Variants in UBXN2A observed in about 807,000 individuals in gnomAD.
UBXN2A encodes the protein UBX domain protein 2A, also known as UBX domain-containing protein 2A.
In UBXN2A, 28 loss-of-function variants were observed where a neutral mutation model predicts 28.4. That is an observed-to-expected ratio of 0.99 (90% CI 0.73 to 1.35). UBXN2A has a LOEUF of 1.35. Ranked by LOEUF, UBXN2A falls within the 40% of genes most tolerant of loss-of-function variation. UBXN2A has a pLI of 0.00. For missense variants in UBXN2A, 253 were observed against 297.9 expected, an observed-to-expected ratio of 0.85 and a Z score of 1.11; for synonymous variants, 97 against 103.6, an observed-to-expected ratio of 0.94 and a Z score of 0.39.
At chr2:23,974,725 C>T (rs1707582913) in intron 3 of UBXN2A, among the ~76,000 whole-genome samples, 1 of 152,138 alleles carries the variant, frequency 6.6e-6, no homozygotes, top group Non-Finnish European at 1.5e-5. Flanking sequence ...CGCCTGTAAT[C>T]TCATAGCTTT....
At chr2:23,989,911 T>C (rs113642780) in intron 6 of UBXN2A, among the ~76,000 whole-genome samples, 4 of 152,040 alleles carry the variant, frequency 2.6e-5, no homozygotes, top group African/African-American at 9.7e-5. Context: ...TCTCAAAAAA[T>C]ATCTATATAA....
Position 23,944,370 on chromosome 2 carries a change from A to T in UBXN2A, c.-15+3722A>T, listed in dbSNP as rs769135999. 2.4e-4 allele frequency: 344 copies of T among 1,446,418 alleles called. 1 individual carries two copies. The highest frequency in any genetic ancestry group is 5.9e-5 in the Non-Finnish European group (61 of 1,032,154). 89.6% of individuals were successfully genotyped at this position (1,446,418 alleles called of 1,614,324 possible). A position where few individuals can be genotyped will look rare whatever the true frequency, so the allele number is the denominator to read the frequency against. ...TGTGTGAAGAACTGAGGTGACCAGCATCATCTTCCTACACATTATTGTATT... is the reference window on the plus strand; with the variant it reads ...TGTGTGAAGAACTGAGGTGACCAGCTTCATCTTCCTACACATTATTGTATT... On this transcript the variant is annotated intron_variant, in intron 1 of 6. Transcript: ENST00000309033.
Position 23,971,255 on chromosome 2 carries a change from GTTTTTC to G in UBXN2A, c.42-17_42-12del. ...AGAGACCTAATAGTTAATAGTGCCT[GTTTTTC>G]TTTATCTTGTTTAGGGTTTGTGAAA... On this transcript the variant is annotated splice_polypyrimidine_tract_variant and intron_variant, in intron 2 of 6. Coordinates refer to ENST00000309033, the MANE Select transcript of UBXN2A (RefSeq NM_181713.4). 6.6e-7 allele frequency: 1 copy of G among 1,524,174 alleles called. No homozygotes were observed. The highest frequency in any genetic ancestry group is 8.9e-7 in the Non-Finnish European group (1 of 1,126,278). The allele number at this position is 1,524,174 out of a possible 1,614,324, so 94.4% of individuals were successfully genotyped here. A position where few individuals can be genotyped will look rare whatever the true frequency, so the allele number is the denominator to read the frequency against.
chr2:23,958,459 T>G, intron 2 of UBXN2A, 104 bp downstream of exon 2: 1 of 1,077,308 alleles, frequency 9.3e-7, no homozygotes, highest in Non-Finnish European at 1.3e-6. Context: ...GTTTTAATTA[T>G]GTATGACTAC....
chr2:23,969,517 C>A (rs1463114306), intron 2 of UBXN2A, among the ~76,000 whole-genome samples: 1 of 152,224 alleles, frequency 6.6e-6, no homozygotes, highest in Non-Finnish European at 1.5e-5. Flanking sequence ...AGCGTACCAT[C>A]ATGCCCAGCT....
rs1047241426 is a variant in UBXN2A at position 24,003,194 on chromosome 2, A to G, written c.*3327A>G. On this transcript the variant is annotated 3_prime_UTR_variant, in exon 7 of 7. Transcript: ENST00000309033. ...GTGGTGGAAGTACCTTTCTTCAGGA[A>G]ATTCTGTCCTAAGCTTTTACCCTGA... 4 of 152,170 alleles carry G rather than the reference A, an allele frequency of 2.6e-5. No homozygotes were observed. The highest frequency in any genetic ancestry group is 9.7e-5 in the African/African-American group (4 of 41,428). 9.4% of individuals were successfully genotyped at this position (152,170 alleles called of 1,614,324 possible). A position where few individuals can be genotyped will look rare whatever the true frequency, so the allele number is the denominator to read the frequency against.
At position 24,002,104 on chromosome 2, in the gene UBXN2A, C is replaced by CT. The variant is rs1326464591; in HGVS notation, c.*2238dup. ...CCAGCCTGGGCAACAAGGCAAAACT[C>CT]TATCTATAAAAATTACAAAAATTAG... On this transcript the variant is annotated 3_prime_UTR_variant, in exon 7 of 7. Transcript: ENST00000309033. 1.3e-5 allele frequency: 2 copies of CT among 151,938 alleles called. No homozygotes were observed. The highest frequency in any genetic ancestry group is 2.9e-5 in the Non-Finnish European group (2 of 68,026). The allele number at this position is 151,938 out of a possible 1,614,324, so 9.4% of individuals were successfully genotyped here.
chr2:23,947,846 AT>A (rs923457195), intron 1 of UBXN2A, among the ~76,000 whole-genome samples: 1 of 151,436 alleles, frequency 6.6e-6, no homozygotes, highest in Admixed American at 6.6e-5. Flanking sequence ...TATATAAAAC[AT>A]TTTTTTTTAA....
At chr2:23,966,641 C>T (rs533153071) in intron 2 of UBXN2A, among the ~76,000 whole-genome samples, 13 of 147,324 alleles carry the variant, frequency 8.8e-5, no homozygotes, top group Non-Finnish European at 1.2e-4. Flanking sequence ...TTAGTAGAGA[C>T]GGGGTTTCAC....
chr2:23,972,932 A>G (rs1255984987), intron 3 of UBXN2A, among the ~76,000 whole-genome samples: 1 of 152,212 alleles, frequency 6.6e-6, no homozygotes, highest in African/African-American at 2.4e-5. Flanking sequence ...TCTACAATAT[A>G]CAGAAGTGTC....
intron 6 of UBXN2A, among the ~76,000 whole-genome samples, chr2:23,989,601 A>T (rs71439107): frequency 0.049 from 7,480 of 151,808 alleles, 246 homozygotes; most frequent in Non-Finnish European, 0.074. Context: ...ACGTAGATAC[A>T]TCCACTTTCA....
intron 6 of UBXN2A, among the ~76,000 whole-genome samples, chr2:23,998,962 T>G: frequency 6.6e-6 from 1 of 152,182 alleles, no homozygotes; most frequent in East Asian, 1.9e-4. Flanking sequence ...ATTTATGTTC[T>G]TTGACATAAG....
chr2:23,940,110 CAAAA>C (rs70941601), upstream of UBXN2A, among the ~76,000 whole-genome samples: 3 of 104,032 alleles, frequency 2.9e-5, no homozygotes, highest in East Asian at 2.8e-4. Flanking sequence ...GATTTAGTCT[CAAAA>C]AAAAAAAAAA....
At chr2:23,949,930 A>G (rs538043209) in intron 1 of UBXN2A, among the ~76,000 whole-genome samples, 146 of 152,200 alleles carry the variant, frequency 9.6e-4, no homozygotes, top group African/African-American at 3.4e-3. Context: ...ATTTTGTTAC[A>G]TGGATATATT....
At chr2:23,950,840 A>G (rs1049024092) in intron 1 of UBXN2A, among the ~76,000 whole-genome samples, 23 of 151,538 alleles carry the variant, frequency 1.5e-4, no homozygotes, top group Non-Finnish European at 1.5e-4. Flanking sequence ...AGTAGTTGGG[A>G]TTACAGGTAT....
chr2:23,996,991 G>A (rs935526620), intron 6 of UBXN2A: 2 of 152,130 alleles, frequency 1.3e-5, no homozygotes, highest in East Asian at 3.8e-4. Context: ...GATTGCCATA[G>A]CACACTACAG....
chr2:24,002,987 C>T lies in UBXN2A; in HGVS notation c.*3120C>T, dbSNP rs1280166005. On this transcript the variant is annotated 3_prime_UTR_variant, in exon 7 of 7. Transcript: ENST00000309033. ...AATCTCCAGGGATCCCTCAGGCACA[C>T]TTTGAGAACCAATCTATATAAAGTG... is the stretch of plus-strand genomic sequence containing the variant. 1 of 152,164 alleles carries T rather than the reference C, an allele frequency of 6.6e-6. No individual in the cohort carries two copies. Among genetic ancestry groups the T allele is most frequent in the Non-Finnish European group, 1.5e-5 (1 of 68,046 alleles). 9.4% of individuals were successfully genotyped at this position (152,164 alleles called of 1,614,324 possible). A position where few individuals can be genotyped will look rare whatever the true frequency, so the allele number is the denominator to read the frequency against.
intron 1 of UBXN2A, among the ~76,000 whole-genome samples, chr2:23,951,983 T>G (rs1327312224): frequency 6.6e-6 from 1 of 151,010 alleles, no homozygotes; most frequent in Non-Finnish European, 1.5e-5. Flanking sequence ...TTTTTTTTTT[T>G]TGAGACAGAG....
intron 5 of UBXN2A, 99 bp from the exon 6 acceptor site, chr2:23,984,574 T>A: frequency 9.3e-7 from 1 of 1,071,446 alleles, no homozygotes; most frequent in East Asian, 3.3e-5. Context: ...AAATCTTCCT[T>A]AAAGTTATAC....
Sources: gnomAD v4.1 joint callset for allele counts (sites outside exome capture counted in the v4.1 genomes callset) on GRCh38, gnomAD v4.1.1 for gene constraint, MANE v1.5 for transcripts, NCBI Gene and HGNC (gene_info 2026-07-23, HGNC 2026-07-21) for gene names.